The following SORBS2 variants were observed in gnomAD, a reference collection of about 807,000 sequenced individuals.
The protein encoded by SORBS2 is sorbin and SH3 domain-containing protein 2.
SORBS2 carries 46 observed loss-of-function variants against 97.7 expected under a neutral mutation model. The ratio of observed to expected loss-of-function variants is 0.47; its 90% CI spans 0.37 to 0.60. SORBS2 has a LOEUF of 0.60. Ranked by LOEUF, SORBS2 falls within the 20% of genes least tolerant of loss-of-function variation. The pLI is 0.00. For missense variants in SORBS2, 1,316 were observed against 1,282.3 expected (o/e 1.03, Z -0.40); for synonymous variants, 476 against 473.4 (o/e 1.01, Z -0.07).
chr4:185,723,123 A>G (rs1239018712), intron 2 of SORBS2, among the ~76,000 whole-genome samples: 3 of 151,200 alleles, frequency 2.0e-5, no homozygotes, highest in African/African-American at 7.4e-5. Context: ...TAAAATTGTA[A>G]TAAATCAATA....
chr4:185,646,523 T>G, intron 4 of SORBS2, 145 bp downstream of exon 13: 1 of 588,136 alleles, frequency 1.7e-6, no homozygotes, highest in Non-Finnish European at 3.1e-6. Context: ...TGAGATGAGA[T>G]GTACAAATCA....
intron 9 of SORBS2, 22 bp downstream of exon 21, chr4:185,618,563 G>C (rs760678270): frequency 2.2e-6 from 3 of 1,373,492 alleles, no homozygotes; most frequent in East Asian, 2.3e-5. Context: ...TAAATCATAT[G>C]ATGAGTATTT....
At chr4:185,659,583 AT>A (rs34425567), upstream of SORBS2, among the ~76,000 whole-genome samples, 27 of 148,494 alleles carry the variant, frequency 1.8e-4, no homozygotes, top group African/African-American at 3.7e-4. Flanking sequence ...CGCCCAGCTA[AT>A]TTTTTTTTTT....
chr4:185,842,738 C>G (rs560295921), intron 1 of SORBS2, among the ~76,000 whole-genome samples: 1 of 152,012 alleles, frequency 6.6e-6, no homozygotes, highest in East Asian at 1.9e-4. Context: ...AGATCGAGAC[C>G]ATTTTGGCCA....
exon 15 of SORBS2, chr4:185,586,874 T>A (rs2095806632): frequency 6.5e-6 from 1 of 152,682 alleles, no homozygotes; most frequent in Admixed American, 6.5e-5. Context: ...TTTTCCCCTG[T>A]AGCCTAGCTC....
chr4:185,694,439 T>C (rs2098141385), intron 2 of SORBS2, among the ~76,000 whole-genome samples: 1 of 152,164 alleles, frequency 6.6e-6, no homozygotes, highest in South Asian at 2.1e-4. Context: ...AACATGAAGG[T>C]GTCAGCATGA....
intron 13 of SORBS2, among the ~76,000 whole-genome samples, chr4:185,591,167 G>T (rs180794844): frequency 3.3e-5 from 5 of 152,150 alleles, no homozygotes; most frequent in African/African-American, 7.2e-5. Flanking sequence ...CATTTGGACT[G>T]GGGGAGCTGG....
At chr4:185,689,215 G>A (rs2098041194) in intron 2 of SORBS2, among the ~76,000 whole-genome samples, 1 of 152,168 alleles carries the variant, frequency 6.6e-6, no homozygotes. Context: ...TCAGCACTCA[G>A]TAAAATGAGG....
At chr4:185,833,841 C>T (rs1233343638) in intron 1 of SORBS2, among the ~76,000 whole-genome samples, 1 of 152,012 alleles carries the variant, frequency 6.6e-6, no homozygotes. Flanking sequence ...GGAAATAATT[C>T]GTTTCATATA....
intron 4 of SORBS2, among the ~76,000 whole-genome samples, chr4:185,662,468 G>T (rs4327531): frequency 0.63 from 95,413 of 151,972 alleles, 31,848 homozygotes; most frequent in Non-Finnish European, 0.77. Flanking sequence ...CCAGGGAGTG[G>T]TTAGGAAGAA....
At chr4:185,911,341 C>T (rs9991927) in intron 1 of SORBS2, among the ~76,000 whole-genome samples, 2,595 of 152,254 alleles carry the variant, frequency 0.017, 88 homozygotes, top group African/African-American at 0.06. Context: ...GATCTTCTTG[C>T]CTCAGCCTCC....
intron 4 of SORBS2, 110 bp downstream of exon 15, chr4:185,637,969 G>A (rs960495666): frequency 1.4e-6 from 1 of 728,198 alleles, no homozygotes. Context: ...TATACATTAT[G>A]CATTCGGCCT....
At chr4:185,784,086 A>G (rs546112677) in intron 1 of SORBS2, among the ~76,000 whole-genome samples, 24 of 152,210 alleles carry the variant, frequency 1.6e-4, no homozygotes, top group Admixed American at 4.6e-4. Context: ...TGAAAATTTC[A>G]TATGCACAGT....
intron 2 of SORBS2, among the ~76,000 whole-genome samples, chr4:185,683,336 T>C (rs1181001759): frequency 6.6e-6 from 1 of 152,218 alleles, no homozygotes; most frequent in East Asian, 1.9e-4. Flanking sequence ...ACATGGGCAC[T>C]GTGGAAGCAG....
chr4:185,847,798 G>A (rs1388416251), intron 1 of SORBS2, among the ~76,000 whole-genome samples: 1 of 152,150 alleles, frequency 6.6e-6, no homozygotes, highest in Non-Finnish European at 1.5e-5. Context: ...TCACATCTTA[G>A]GAGATCTGTT....
At chr4:185,600,600 A>G (rs1044028565) in intron 12 of SORBS2, among the ~76,000 whole-genome samples, 19 of 152,184 alleles carry the variant, frequency 1.2e-4, no homozygotes, top group African/African-American at 4.3e-4. Context: ...CGGGCTCCCA[A>G]AGTGCTGGGA....
chr4:185,739,977 T>C (rs2098712061), intron 2 of SORBS2: 1 of 152,598 alleles, frequency 6.6e-6, no homozygotes, highest in Admixed American at 6.5e-5. Context: ...ATTGTGAAAA[T>C]ATCAAGCATC....
At chr4:185,806,584 A>C (rs1007452733) in intron 1 of SORBS2, among the ~76,000 whole-genome samples, 11 of 149,010 alleles carry the variant, frequency 7.4e-5, no homozygotes, top group Admixed American at 4.7e-4. Flanking sequence ...CAGCCTCCCG[A>C]GTAGCTGGGA....
intron 1 of SORBS2, among the ~76,000 whole-genome samples, chr4:185,950,792 G>T (rs1551437): frequency 2.6e-5 from 4 of 151,966 alleles, no homozygotes; most frequent in African/African-American, 9.7e-5. Context: ...TTTGGAAATC[G>T]CACTATGGCC....
Sources: gnomAD v4.1 joint callset for allele counts (sites outside exome capture counted in the v4.1 genomes callset) on GRCh38, gnomAD v4.1.1 for gene constraint, MANE v1.5 for transcripts, NCBI Gene and HGNC (gene_info 2026-07-23, HGNC 2026-07-21) for gene names.